The following UGT8 variants were observed in gnomAD, a reference collection of about 807,000 sequenced individuals.
UGT8 encodes 2-hydroxyacylsphingosine 1-beta-galactosyltransferase.
UGT8 carries 12 observed loss-of-function variants against 40.5 expected under a neutral mutation model. The ratio of observed to expected loss-of-function variants is 0.30; its 90% CI spans 0.19 to 0.48. The LOEUF (loss-of-function observed/expected upper bound fraction) is 0.48. UGT8 is among the 20% of genes least tolerant of loss of function. The pLI is 0.99. For synonymous variants in UGT8, 224 were observed against 240.4 expected, an observed-to-expected ratio of 0.93 and a Z score of 0.63; for missense variants, 513 against 648.7, an observed-to-expected ratio of 0.79 and a Z score of 2.27.
rs116822636 is a variant in UGT8 at position 114,650,219 on chromosome 4, G to C, written c.823-13776G>C. ...TTTCAGAATGCCTGGCAATTGGCTTGCCTTGGAGACCTTTTCCAAGCATCT... is the reference window on the plus strand; with the variant it reads ...TTTCAGAATGCCTGGCAATTGGCTTCCCTTGGAGACCTTTTCCAAGCATCT... On this transcript the variant is annotated intron_variant, in intron 2 of 5. Transcript: ENST00000310836. Among the ~76,000 whole-genome samples the C allele has an allele frequency of 6.1e-3, 930 of 152,274 alleles. 11 individuals carry two copies. The highest frequency in any genetic ancestry group is 0.021 in the African/African-American group (888 of 41,546).
chr4:114,660,013 A>T (rs760024882), intron 2 of UGT8, among the ~76,000 whole-genome samples: 30 of 152,336 alleles, frequency 2.0e-4, no homozygotes, highest in African/African-American at 7.0e-4. Context: ...AAAAATAAAG[A>T]TGGATGTCAC....
chr4:114,635,521 CT>C (rs1199546540), intron 2 of UGT8, among the ~76,000 whole-genome samples: 1 of 152,030 alleles, frequency 6.6e-6, no homozygotes, highest in Non-Finnish European at 1.5e-5. Context: ...ACATAATTTT[CT>C]TACCTTTTAA....
intron 2 of UGT8, among the ~76,000 whole-genome samples, chr4:114,650,175 T>C (rs1733815754): frequency 2.0e-5 from 3 of 152,222 alleles, no homozygotes; most frequent in Admixed American, 6.5e-5. Flanking sequence ...TCACATTTGT[T>C]GCCTTTGGAG....
intron 2 of UGT8, among the ~76,000 whole-genome samples, chr4:114,643,332 C>T (rs1222422681): frequency 6.6e-6 from 1 of 152,116 alleles, no homozygotes; most frequent in African/African-American, 2.4e-5. Context: ...ACTTGAATTA[C>T]AGTTGGGACT....
chr4:114,601,076 T>C (rs1730415677), intron 1 of UGT8, among the ~76,000 whole-genome samples: 1 of 152,232 alleles, frequency 6.6e-6, no homozygotes, highest in African/African-American at 2.4e-5. Context: ...CAGGTAATAC[T>C]ACTATACAGG....
At chr4:114,661,321 T>A (rs1734520200) in intron 2 of UGT8, among the ~76,000 whole-genome samples, 1 of 152,104 alleles carries the variant, frequency 6.6e-6, no homozygotes, top group Admixed American at 6.5e-5. Flanking sequence ...CCATGGAGTT[T>A]GTTTTCTAAG....
chr4:114,631,344 C>T (rs1373245479), intron 2 of UGT8, among the ~76,000 whole-genome samples: 1 of 151,924 alleles, frequency 6.6e-6, no homozygotes, highest in Non-Finnish European at 1.5e-5. Flanking sequence ...ATTAGCAGGG[C>T]GTTGTTGTGG....
At chr4:114,649,566 C>T (rs1342719543) in intron 2 of UGT8, among the ~76,000 whole-genome samples, 6 of 152,144 alleles carry the variant, frequency 3.9e-5, no homozygotes, top group Admixed American at 6.5e-5. Flanking sequence ...TCCTGTGCAA[C>T]CCTCAACCCC....
At chr4:114,640,419 A>G (rs1177545899) in intron 2 of UGT8, among the ~76,000 whole-genome samples, 3 of 152,204 alleles carry the variant, frequency 2.0e-5, no homozygotes, top group Non-Finnish European at 4.4e-5. Context: ...TATTGACTCA[A>G]GTAGGCCCTA....
intron 2 of UGT8, among the ~76,000 whole-genome samples, chr4:114,657,498 A>G (rs2126127278): frequency 6.6e-6 from 1 of 152,252 alleles, no homozygotes; most frequent in East Asian, 1.9e-4. Flanking sequence ...GCGTAATTGT[A>G]GTTTATACCC....
chr4:114,603,843 C>G (rs567233324), intron 1 of UGT8, among the ~76,000 whole-genome samples: 1 of 152,274 alleles, frequency 6.6e-6, no homozygotes, highest in African/African-American at 2.4e-5. Flanking sequence ...TTATGGAAAC[C>G]AGGACTTGGA....
intron 1 of UGT8, 50 bp from the exon 2 acceptor site, chr4:114,622,829 A>G (rs534102353): frequency 6.8e-7 from 1 of 1,477,594 alleles, no homozygotes; most frequent in Admixed American, 2.1e-5. Context: ...CTTGTTTTGA[A>G]TGGTGAGCAT....
In UGT8 at chr4:114,676,247, A is replaced by G; in HGVS notation, c.1585A>G (p.Lys529Glu). 6.2e-7 allele frequency: 1 copy of G among 1,606,878 alleles called. No homozygotes were observed. Among genetic ancestry groups the G allele is most frequent in the Non-Finnish European group, 8.5e-7 (1 of 1,176,440 alleles). ...YHNGILNGKY[K>E]RNGHIKHEKK... ...CAATGGAATCCTCAATGGCAAGTAC[A>G]AAAGAAATGGCCATATTAAACATGA... The change falls in exon 6 of 6, where the codon AAA becomes GAA. Residue 529 changes from lysine to glutamate, a missense_variant. Lys to Glu is a moderately conservative substitution (Grantham distance 56, BLOSUM62 1). This residue lies in a region of UGT8 where 175 missense variants were observed against 186.7 expected (regional missense o/e 0.94). Coordinates refer to ENST00000310836, the MANE Select transcript of UGT8 (RefSeq NM_001128174.3).
At chr4:114,640,192 G>A (rs1002523491) in intron 2 of UGT8, among the ~76,000 whole-genome samples, 6 of 152,098 alleles carry the variant, frequency 3.9e-5, no homozygotes, top group African/African-American at 1.4e-4. Context: ...CACCACGCCT[G>A]GCTAATTTTT....
In UGT8 at chr4:114,622,955, C is replaced by T. The variant is rs375443200; in HGVS notation, c.75C>T (p.Ile25=). 3.3e-5 allele frequency: 54 copies of T among 1,613,968 alleles called. No homozygotes were observed. Among genetic ancestry groups the T allele is most frequent in the African/African-American group, 1.5e-4 (11 of 74,922 alleles). ...TAGCGAAGGCTGCCAAAATCATCATCGTGCCGCCAATTATGTTTGAAAGCC... is the reference window on the plus strand; with the variant it reads ...TAGCGAAGGCTGCCAAAATCATCATTGTGCCGCCAATTATGTTTGAAAGCC... ...VGIAKAAKII[I]VPPIMFESHM... The change falls in exon 2 of 6, where the codon ATC becomes ATT. Residue 25 remains isoleucine (I), a synonymous_variant. Transcript: ENST00000310836.
At chr4:114,616,564 TCACCCTA>T (rs1031591621) in intron 1 of UGT8, among the ~76,000 whole-genome samples, 27 of 152,080 alleles carry the variant, frequency 1.8e-4, no homozygotes, top group Non-Finnish European at 5.9e-5. Context: ...AGGCGATGCC[TCACCCTA>T]CTTCGGCTCA....
chr4:114,664,218 A>T, intron 3 of UGT8, 81 bp downstream of exon 3: 1 of 1,473,164 alleles, frequency 6.8e-7, no homozygotes, highest in South Asian at 1.2e-5. Flanking sequence ...AGTAAAGCAC[A>T]GCACATTGTT....
intron 2 of UGT8, among the ~76,000 whole-genome samples, chr4:114,653,802 G>T (rs1169456305): frequency 6.6e-6 from 1 of 151,926 alleles, no homozygotes; most frequent in Non-Finnish European, 1.5e-5. Context: ...AGGAAGTAGG[G>T]CAGAGGCAGT....
At chr4:114,675,597 G>A (rs1195045842) in intron 5 of UGT8, among the ~76,000 whole-genome samples, 3 of 150,490 alleles carry the variant, frequency 2.0e-5, no homozygotes, top group Non-Finnish European at 4.4e-5. Context: ...AAAATTAGCC[G>A]GGCGTAGTGG....
Sources: allele counts gnomAD v4.1 joint callset (sites outside exome capture counted in the v4.1 genomes callset), GRCh38; gene constraint gnomAD v4.1.1; regional missense constraint gnomAD v4.1.1; transcripts MANE v1.5; gene names NCBI Gene and HGNC (gene_info 2026-07-23, HGNC 2026-07-21).